GRIP1: variants seen among roughly 807,000 people sequenced by gnomAD.
GRIP1 encodes the protein glutamate receptor interacting protein 1, also known as glutamate receptor-interacting protein 1.
A neutral mutation model predicts 129.9 loss-of-function variants in GRIP1; 45 were observed. The ratio of observed to expected loss-of-function variants is 0.35; its 90% CI spans 0.27 to 0.44. The LOEUF (loss-of-function observed/expected upper bound fraction) is 0.44. Ranked by LOEUF, GRIP1 falls within the 20% of genes least tolerant of loss-of-function variation. The probability of loss-of-function intolerance (pLI) is 1.00; values close to 1 mark genes in which losing one functional copy is unlikely to be tolerated. For synonymous variants in GRIP1, 530 were observed against 520.8 expected (o/e 1.02, Z -0.24); for missense variants, 1,196 against 1,396.8 (o/e 0.86, Z 2.29).
intron 1 of GRIP1, among the ~76,000 whole-genome samples, chr12:66,773,261 G>C (rs182933707): frequency 6.6e-6 from 1 of 152,294 alleles, no homozygotes; most frequent in Admixed American, 6.5e-5. Flanking sequence ...TTGGTTCCAA[G>C]TCTTTGCTAT....
intron 15 of GRIP1, among the ~76,000 whole-genome samples, chr12:66,409,234 T>C (rs902625820): frequency 1.1e-4 from 17 of 152,146 alleles, no homozygotes; most frequent in African/African-American, 1.2e-4. Context: ...TAGTACCACG[T>C]TGGCTTCAGG....
chr12:66,609,444 A>C (rs954670151), intron 1 of GRIP1, among the ~76,000 whole-genome samples: 2 of 152,186 alleles, frequency 1.3e-5, no homozygotes, highest in Non-Finnish European at 2.9e-5. Context: ...AAATTCATTG[A>C]CATTAAATGG....
At chr12:66,490,046 C>T (rs1368232696) in intron 7 of GRIP1, among the ~76,000 whole-genome samples, 1 of 152,052 alleles carries the variant, frequency 6.6e-6, no homozygotes, top group East Asian at 1.9e-4. Flanking sequence ...TGAAAATGGC[C>T]ATACTGCCCA....
intron 1 of GRIP1, among the ~76,000 whole-genome samples, chr12:66,988,456 T>A (rs2042346751): frequency 6.6e-6 from 1 of 152,176 alleles, no homozygotes; most frequent in Non-Finnish European, 1.5e-5. Context: ...CTCGGCTCAC[T>A]GCAACCTCTG....
intron 4 of GRIP1, among the ~76,000 whole-genome samples, chr12:66,538,200 C>CT (rs60932537): frequency 1.2e-3 from 156 of 134,424 alleles, no homozygotes; most frequent in African/African-American, 1.7e-3. Context: ...TCTTGCTGTA[C>CT]TTTTTTTTTT....
intron 1 of GRIP1, among the ~76,000 whole-genome samples, chr12:66,981,502 C>A (rs558420227): frequency 8.5e-5 from 13 of 152,124 alleles, no homozygotes; most frequent in South Asian, 8.3e-4. Flanking sequence ...ACACTGAATT[C>A]TAAAGATAGA....
chr12:66,658,725 G>A (rs988484843), intron 1 of GRIP1, among the ~76,000 whole-genome samples: 11 of 151,958 alleles, frequency 7.2e-5, no homozygotes, highest in Non-Finnish European at 1.3e-4. Context: ...GGCAACACAG[G>A]GAGATCCTGT....
At chr12:67,061,656 A>G (rs2135890063) in intron 1 of GRIP1, among the ~76,000 whole-genome samples, 1 of 152,298 alleles carries the variant, frequency 6.6e-6, no homozygotes, top group Non-Finnish European at 1.5e-5. Context: ...GTAAAATTCT[A>G]AATTAGTTTT....
At chr12:66,881,352 T>C (rs771095800) in intron 1 of GRIP1, among the ~76,000 whole-genome samples, 4 of 152,196 alleles carry the variant, frequency 2.6e-5, no homozygotes, top group Non-Finnish European at 5.9e-5. Context: ...GCTTAAAGCA[T>C]AGCTGGAGAA....
At chr12:66,879,155 T>A (rs1025555414) in intron 1 of GRIP1, among the ~76,000 whole-genome samples, 4 of 151,916 alleles carry the variant, frequency 2.6e-5, no homozygotes, top group Non-Finnish European at 5.9e-5. Context: ...TAGGAAAGTG[T>A]CCTCAGGTGG....
intron 1 of GRIP1, among the ~76,000 whole-genome samples, chr12:66,884,499 C>A (rs2040532123): frequency 6.6e-6 from 1 of 152,174 alleles, no homozygotes; most frequent in Non-Finnish European, 1.5e-5. Context: ...TAAAGGAAAG[C>A]AACTTCCTTG....
intron 1 of GRIP1, among the ~76,000 whole-genome samples, chr12:67,009,133 T>A (rs767258706): frequency 6.6e-6 from 1 of 152,204 alleles, no homozygotes; most frequent in Non-Finnish European, 1.5e-5. Flanking sequence ...ATTTTAATCA[T>A]GATTTTTATT....
chr12:66,572,418 C>A (rs920139181), intron 2 of GRIP1, among the ~76,000 whole-genome samples: 8 of 152,220 alleles, frequency 5.3e-5, no homozygotes, highest in African/African-American at 1.9e-4. Context: ...GTGTTTCCTT[C>A]CTCCCACCCC....
At chr12:66,468,141 T>C (rs1323002915) in intron 7 of GRIP1, among the ~76,000 whole-genome samples, 1 of 152,162 alleles carries the variant, frequency 6.6e-6, no homozygotes, top group Non-Finnish European at 1.5e-5. Flanking sequence ...GGTGTAGCCA[T>C]AGGACCAGGT....
intron 5 of GRIP1, among the ~76,000 whole-genome samples, chr12:66,523,393 T>G (rs9738151): frequency 0.44 from 54,886 of 124,488 alleles, 13,595 homozygotes; most frequent in African/African-American, 0.54. Context: ...TTAAAGAAAA[T>G]AATTTTCAAC....
intron 1 of GRIP1, among the ~76,000 whole-genome samples, chr12:66,787,860 GA>G (rs2038403582): frequency 1.3e-5 from 2 of 152,258 alleles, no homozygotes; most frequent in South Asian, 4.1e-4. Flanking sequence ...AACAGGTAGG[GA>G]CTTAAAGAGT....
At chr12:66,936,092 T>C (rs959606151) in intron 1 of GRIP1, among the ~76,000 whole-genome samples, 15 of 152,200 alleles carry the variant, frequency 9.9e-5, no homozygotes, top group South Asian at 2.1e-4. Context: ...GGTGAACACA[T>C]TGATGTGCCC....
intron 1 of GRIP1, among the ~76,000 whole-genome samples, chr12:66,743,600 G>A (rs553983563): frequency 6.9e-6 from 1 of 145,724 alleles, no homozygotes. Flanking sequence ...TTTTTTTTGT[G>A]TGTGTGTGTG....
In GRIP1 at chr12:66,405,791, A is replaced by T. The variant is rs184554715; in HGVS notation, c.1984+492T>A. On this transcript the variant is annotated intron_variant, in intron 16 of 24. Transcript: ENST00000359742. ...TATGCATAAAGATGTCTATAAGAGT[A>T]CTATTTACAATAATGAAACAATTGG... Among the ~76,000 whole-genome samples the T allele has an allele frequency of 4.4e-3, 675 of 152,372 alleles. 1 individual carries two copies. The highest frequency in any genetic ancestry group is 7.2e-3 in the Non-Finnish European group (492 of 68,028).
Sources: gnomAD v4.1 joint callset for allele counts (sites outside exome capture counted in the v4.1 genomes callset) on GRCh38, gnomAD v4.1.1 for gene constraint, MANE v1.5 for transcripts, NCBI Gene and HGNC (gene_info 2026-07-23, HGNC 2026-07-21) for gene names.